Variants in IL1RAPL2 observed in about 807,000 individuals in gnomAD.
IL1RAPL2 encodes X-linked interleukin-1 receptor accessory protein-like 2.
In IL1RAPL2, 3 loss-of-function variants were observed where a neutral mutation model predicts 44.1. That is an observed-to-expected ratio of 0.07 (90% confidence interval 0.03 to 0.18). IL1RAPL2 has a LOEUF of 0.18. Ranked by LOEUF, IL1RAPL2 falls within the 10% of genes least tolerant of loss-of-function variation. The pLI is 1.00. For missense variants in IL1RAPL2, 391 were observed against 496.4 expected (o/e 0.79, Z 2.02); for synonymous variants, 181 against 178.8 (o/e 1.01, Z -0.10).
intron 1 of IL1RAPL2, among the ~76,000 whole-genome samples, chrX:104,582,825 TTTC>T (rs1928426044): frequency 9.2e-5 from 6 of 64,910 alleles, no homozygotes; most frequent in African/African-American, 3.8e-4. Context: ...TTTCTTTCTC[TTTC>T]TTTCTTTCTT....
intron 2 of IL1RAPL2, among the ~76,000 whole-genome samples, chrX:105,151,545 T>C (rs1396731882): frequency 9.0e-6 from 1 of 110,548 alleles, no homozygotes; most frequent in Non-Finnish European, 1.9e-5. Flanking sequence ...TTTTGGTTTG[T>C]TTGTTTTAGT....
At chrX:105,118,646 A>G (rs1466779725) in intron 2 of IL1RAPL2, among the ~76,000 whole-genome samples, 1 of 112,284 alleles carries the variant, frequency 8.9e-6, no homozygotes, top group Non-Finnish European at 1.9e-5. Flanking sequence ...TAAAATCTCC[A>G]TGGACTTTTG....
chrX:105,345,781 T>A (rs951522004), intron 5 of IL1RAPL2, among the ~76,000 whole-genome samples: 2 of 111,604 alleles, frequency 1.8e-5, no homozygotes, highest in Non-Finnish European at 3.8e-5. Flanking sequence ...AAATTTTGTT[T>A]GCCTACACTT....
chrX:105,616,256 A>G (rs767973545), intron 6 of IL1RAPL2, among the ~76,000 whole-genome samples: 53 of 112,245 alleles, frequency 4.7e-4, no homozygotes, highest in Admixed American at 2.1e-3. Flanking sequence ...ATAAAATGCT[A>G]GCAATAGATT....
At chrX:105,080,418 A>G (rs184339835) in intron 2 of IL1RAPL2, among the ~76,000 whole-genome samples, 52 of 111,829 alleles carry the variant, frequency 4.6e-4, no homozygotes, top group East Asian at 1.4e-3. Context: ...AAAGAGTCCA[A>G]TGTTGGTTTT....
At chrX:105,485,224 C>T (rs1281482132) in intron 6 of IL1RAPL2, among the ~76,000 whole-genome samples, 1 of 111,226 alleles carries the variant, frequency 9.0e-6, no homozygotes, top group Non-Finnish European at 1.9e-5. Context: ...ATATTTGTGA[C>T]CATTGTGGTC....
intron 2 of IL1RAPL2, among the ~76,000 whole-genome samples, chrX:105,135,914 C>T (rs1426868221): frequency 1.8e-5 from 2 of 111,674 alleles, no homozygotes; most frequent in Non-Finnish European, 3.8e-5. Context: ...GTTCTAAAAA[C>T]ATAAGCTGTA....
intron 2 of IL1RAPL2, among the ~76,000 whole-genome samples, chrX:104,857,930 G>A (rs988713607): frequency 6.3e-5 from 7 of 111,226 alleles, no homozygotes; most frequent in African/African-American, 2.3e-4. Flanking sequence ...TTAGAATCCT[G>A]CAGTTTTAGG....
intron 2 of IL1RAPL2, among the ~76,000 whole-genome samples, chrX:105,077,267 T>C (rs901230426): frequency 2.7e-5 from 3 of 111,307 alleles, no homozygotes; most frequent in African/African-American, 9.8e-5. Flanking sequence ...AGCATTTGCT[T>C]GTCTGTAAAG....
chrX:105,385,699 A>G (rs1054873095), intron 5 of IL1RAPL2, among the ~76,000 whole-genome samples: 3 of 111,056 alleles, frequency 2.7e-5, no homozygotes, highest in Non-Finnish European at 5.7e-5. Context: ...AAATCTAAAG[A>G]GATCAAAGTC....
intron 6 of IL1RAPL2, among the ~76,000 whole-genome samples, chrX:105,568,702 C>T (rs1342619884): frequency 8.9e-6 from 1 of 112,309 alleles, no homozygotes; most frequent in Non-Finnish European, 1.9e-5. Flanking sequence ...ACTCTTCATC[C>T]CTTTTCCAAT....
chrX:104,572,002 C>A (rs1033292555), intron 1 of IL1RAPL2, among the ~76,000 whole-genome samples: 26 of 112,015 alleles, frequency 2.3e-4, no homozygotes, highest in African/African-American at 6.5e-4. Flanking sequence ...TTTGCTCTGG[C>A]TTACTTGGGT....
At chrX:105,043,090 AG>A (rs2031778408) in intron 2 of IL1RAPL2, among the ~76,000 whole-genome samples, 1 of 34,767 alleles carries the variant, frequency 2.9e-5, no homozygotes, top group South Asian at 3.1e-3. Flanking sequence ...GGGTGGGGGG[AG>A]GGGGGAGGGA....
intron 2 of IL1RAPL2, among the ~76,000 whole-genome samples, chrX:105,115,769 G>C (rs192541958): frequency 3.5e-5 from 4 of 113,114 alleles, no homozygotes; most frequent in Non-Finnish European, 7.5e-5. Context: ...GCCCTTGGGC[G>C]GTTGATGGGA....
At chrX:105,697,188 C>G (rs1232736053) in intron 6 of IL1RAPL2, among the ~76,000 whole-genome samples, 1 of 109,425 alleles carries the variant, frequency 9.1e-6, no homozygotes, top group Non-Finnish European at 1.9e-5. Context: ...ATGACACAAG[C>G]AACTCCCACT....
At chrX:105,331,859 A>G (rs1047815313) in intron 5 of IL1RAPL2, among the ~76,000 whole-genome samples, 8 of 111,292 alleles carry the variant, frequency 7.2e-5, no homozygotes, top group African/African-American at 2.6e-4. Context: ...GAATTCTACT[A>G]GGATATCACC....
At chrX:105,677,442 C>G in intron 6 of IL1RAPL2, among the ~76,000 whole-genome samples, 1 of 112,298 alleles carries the variant, frequency 8.9e-6, no homozygotes, top group Non-Finnish European at 1.9e-5. Flanking sequence ...TCCTCTACTC[C>G]TAATCACCAG....
intron 5 of IL1RAPL2, among the ~76,000 whole-genome samples, chrX:105,477,104 C>T (rs888570253): frequency 1.8e-5 from 2 of 111,844 alleles, no homozygotes; most frequent in African/African-American, 3.3e-5. Context: ...AGAGTCACAA[C>T]TTTGTGTGCC....
intron 1 of IL1RAPL2, among the ~76,000 whole-genome samples, chrX:104,630,150 A>ATT (rs3056013): frequency 0.38 from 33,334 of 88,399 alleles, 5,683 homozygotes; most frequent in East Asian, 0.6. Context: ...CACCTGGATA[A>ATT]TTTTTTTTTT....
Sources: gnomAD v4.1 joint callset for allele counts (sites outside exome capture counted in the v4.1 genomes callset) on GRCh38, gnomAD v4.1.1 for gene constraint, MANE v1.5 for transcripts, NCBI Gene and HGNC (gene_info 2026-07-23, HGNC 2026-07-21) for gene names.